The following TMEM132C variants were observed in gnomAD, a reference collection of about 807,000 sequenced individuals.
TMEM132C encodes protein phosphatase 1, regulatory subunit 152.
Under a neutral mutation model 61.4 loss-of-function variants are expected in TMEM132C, and 29 were observed. The ratio of observed to expected loss-of-function variants is 0.47; its 90% CI spans 0.35 to 0.64. The LOEUF (loss-of-function observed/expected upper bound fraction) is 0.64. Ranked by LOEUF, TMEM132C falls within the 30% of genes least tolerant of loss-of-function variation. The pLI is 0.00. For missense variants in TMEM132C, 1,408 were observed against 1,476.9 expected (o/e 0.95, Z 0.76); for synonymous variants, 656 against 633.1 (o/e 1.04, Z -0.54).
chr12:128,644,422 T>C (rs1292178255), intron 4 of TMEM132C, among the ~76,000 whole-genome samples: 2 of 152,174 alleles, frequency 1.3e-5, no homozygotes, highest in Non-Finnish European at 2.9e-5. Context: ...AATAGAACAA[T>C]AAGTAAAAAT....
intron 3 of TMEM132C, among the ~76,000 whole-genome samples, chr12:128,553,374 G>T (rs1396301521): frequency 2.6e-5 from 4 of 152,004 alleles, no homozygotes; most frequent in African/African-American, 9.7e-5. Flanking sequence ...CATATTCAAA[G>T]ATATGTTTTT....
At chr12:128,387,291 G>T (rs1005000875) in intron 1 of TMEM132C, among the ~76,000 whole-genome samples, 25 of 152,198 alleles carry the variant, frequency 1.6e-4, no homozygotes, top group African/African-American at 5.8e-4. Flanking sequence ...CTTACCTCTA[G>T]CAGGGATGCT....
intron 2 of TMEM132C, among the ~76,000 whole-genome samples, chr12:128,540,590 A>G (rs1432123870): frequency 6.6e-6 from 1 of 152,138 alleles, no homozygotes; most frequent in African/African-American, 2.4e-5. Flanking sequence ...TCTTTACTGC[A>G]TAGGCTGTAT....
chr12:128,351,331 G>A (rs1191126002), intron 1 of TMEM132C, among the ~76,000 whole-genome samples: 4 of 152,074 alleles, frequency 2.6e-5, no homozygotes, highest in African/African-American at 9.7e-5. Flanking sequence ...AGTCATCCAG[G>A]TAGAAGGTAA....
chr12:128,567,933 C>A (rs1405622235), intron 3 of TMEM132C, among the ~76,000 whole-genome samples: 1 of 152,204 alleles, frequency 6.6e-6, no homozygotes, highest in Non-Finnish European at 1.5e-5. Context: ...CGTGGGAGCC[C>A]CATCTCAGCC....
At chr12:128,421,970 C>G (rs1869002681) in intron 2 of TMEM132C, among the ~76,000 whole-genome samples, 1 of 152,122 alleles carries the variant, frequency 6.6e-6, no homozygotes, top group Middle Eastern at 3.2e-3. Context: ...AAATGCAAAA[C>G]CAAATGCCTA....
chr12:128,464,911 G>A (rs981113680), intron 2 of TMEM132C, among the ~76,000 whole-genome samples: 16 of 152,162 alleles, frequency 1.1e-4, no homozygotes, highest in Non-Finnish European at 5.9e-5. Flanking sequence ...TAGGGACAAC[G>A]GTGAGGGGTG....
chr12:128,501,864 A>G (rs1253777832), intron 2 of TMEM132C, among the ~76,000 whole-genome samples: 1 of 152,180 alleles, frequency 6.6e-6, no homozygotes, highest in Non-Finnish European at 1.5e-5. Context: ...ATTCTCAACC[A>G]TTGCCTCCCA....
intron 2 of TMEM132C, among the ~76,000 whole-genome samples, chr12:128,466,708 G>A (rs188350783): frequency 4.5e-4 from 69 of 152,262 alleles, no homozygotes; most frequent in Non-Finnish European, 4.4e-4. Flanking sequence ...TGTAGAGATA[G>A]GGTTTCACCA....
intron 4 of TMEM132C, among the ~76,000 whole-genome samples, chr12:128,627,679 G>T (rs1268550209): frequency 4.6e-5 from 7 of 152,172 alleles, no homozygotes; most frequent in Non-Finnish European, 1.0e-4. Flanking sequence ...GAAAGCCCCT[G>T]TGAGCCCTGG....
intron 2 of TMEM132C, among the ~76,000 whole-genome samples, chr12:128,532,189 TTGA>T (rs1241213219): frequency 6.6e-6 from 1 of 152,204 alleles, no homozygotes. Flanking sequence ...TATTTGTATT[TTGA>T]TATGCTTCTT....
At chr12:128,364,031 C>T (rs1873786030) in intron 1 of TMEM132C, among the ~76,000 whole-genome samples, 1 of 151,936 alleles carries the variant, frequency 6.6e-6, no homozygotes, top group Admixed American at 6.6e-5. Flanking sequence ...TCAAACTCTG[C>T]CTTGAAGGGA....
intron 3 of TMEM132C, among the ~76,000 whole-genome samples, chr12:128,549,308 C>T (rs1312234303): frequency 6.6e-6 from 1 of 152,142 alleles, no homozygotes; most frequent in African/African-American, 2.4e-5. Flanking sequence ...CAACGTGAGA[C>T]ACGAGGCCAG....
chr12:128,419,576 T>C (rs1868912684), intron 2 of TMEM132C, among the ~76,000 whole-genome samples: 1 of 49,136 alleles, frequency 2.0e-5, no homozygotes, highest in African/African-American at 5.8e-5. Context: ...ACTAATCTTG[T>C]TTTTTTTTTT....
intron 1 of TMEM132C, among the ~76,000 whole-genome samples, chr12:128,409,860 A>G (rs914609582): frequency 6.6e-6 from 1 of 152,210 alleles, no homozygotes; most frequent in Non-Finnish European, 1.5e-5. Context: ...GGAAGAGTTA[A>G]TAATGAACAC....
chr12:128,525,748 A>T (rs777270065), intron 2 of TMEM132C, among the ~76,000 whole-genome samples: 1 of 152,196 alleles, frequency 6.6e-6, no homozygotes, highest in African/African-American at 2.4e-5. Context: ...CTGAGCTGTT[A>T]GCCCTGGGGA....
At chr12:128,502,591 AG>A (rs1383178580) in intron 2 of TMEM132C, among the ~76,000 whole-genome samples, 68 of 152,354 alleles carry the variant, frequency 4.5e-4, no homozygotes, top group African/African-American at 1.6e-3. Flanking sequence ...CATCTACACC[AG>A]AGTGGATCCA....
chr12:128,624,365 G>A (rs957697604), intron 4 of TMEM132C, among the ~76,000 whole-genome samples: 5 of 151,952 alleles, frequency 3.3e-5, no homozygotes, highest in African/African-American at 7.3e-5. Flanking sequence ...CCAAGATAGC[G>A]AAACCCCGTC....
In TMEM132C at chr12:128,706,429, T is replaced by G. The variant is rs1324266090; in HGVS notation, c.*134T>G. On this transcript the variant is annotated 3_prime_UTR_variant, in exon 9 of 9. Transcript: ENST00000435159. ...CCATGCTAGACCAGTTGGAAAGTTT[T>G]GAAGTCAGGAAAAGACGTTTTTGTA... 8.2e-7 allele frequency: 1 copy of G among 1,214,208 alleles called. No individual in the cohort carries two copies. Among genetic ancestry groups the G allele is most frequent in the Non-Finnish European group, 1.1e-6 (1 of 924,562 alleles). The allele number at this position is 1,214,208 out of a possible 1,614,324, so 75.2% of individuals were successfully genotyped here.
Sources: allele counts gnomAD v4.1 joint callset (sites outside exome capture counted in the v4.1 genomes callset), GRCh38; gene constraint gnomAD v4.1.1; transcripts MANE v1.5; gene names NCBI Gene and HGNC (gene_info 2026-07-23, HGNC 2026-07-21).